Variants in FAM168A observed in about 807,000 individuals in gnomAD.
FAM168A encodes family with sequence similarity 168 member A.
In FAM168A, 3 loss-of-function variants were observed where a neutral mutation model predicts 28.5. The ratio of observed to expected loss-of-function variants is 0.11; its 90% CI spans 0.05 to 0.27. The LOEUF (loss-of-function observed/expected upper bound fraction) is 0.27. Among genes scored for constraint, FAM168A ranks in the 10% least tolerant of loss-of-function variants. The probability of loss-of-function intolerance (pLI) is 1.00; values close to 1 mark genes in which losing one functional copy is unlikely to be tolerated. For synonymous variants in FAM168A, 122 were observed against 124.2 expected, an observed-to-expected ratio of 0.98 and a Z score of 0.12; for missense variants, 222 against 311.5, an observed-to-expected ratio of 0.71 and a Z score of 2.16.
At chr11:73,534,761 A>C (rs1377383920) in intron 1 of FAM168A, among the ~76,000 whole-genome samples, 1 of 152,170 alleles carries the variant, frequency 6.6e-6, no homozygotes, top group Admixed American at 6.5e-5. Context: ...ATTACATGAA[A>C]ATCTGTCTGA....
At chr11:73,499,103 G>A (rs988055695) in intron 1 of FAM168A, among the ~76,000 whole-genome samples, 1 of 152,156 alleles carries the variant, frequency 6.6e-6, no homozygotes, top group African/African-American at 2.4e-5. Flanking sequence ...AATCCTACTG[G>A]CATCAGGCTG....
At chr11:73,458,477 A>T (rs1321709874) in intron 2 of FAM168A, among the ~76,000 whole-genome samples, 2 of 152,228 alleles carry the variant, frequency 1.3e-5, no homozygotes, top group Non-Finnish European at 2.9e-5. Context: ...AGTATCTGAG[A>T]CAGATACAAA....
intron 5 of FAM168A, among the ~76,000 whole-genome samples, chr11:73,410,332 C>T (rs1281210544): frequency 3.3e-5 from 5 of 151,668 alleles, no homozygotes. Flanking sequence ...GGCTTGAACC[C>T]GGGAGGCGGA....
At chr11:73,508,846 T>C (rs951780528) in intron 1 of FAM168A, among the ~76,000 whole-genome samples, 1 of 152,154 alleles carries the variant, frequency 6.6e-6, no homozygotes. Context: ...TGATCACCAA[T>C]GGGAACTAGT....
At chr11:73,547,757 GA>G (rs1441714517) in intron 1 of FAM168A, among the ~76,000 whole-genome samples, 1 of 151,752 alleles carries the variant, frequency 6.6e-6, no homozygotes, top group Non-Finnish European at 1.5e-5. Flanking sequence ...GCAGAATCTT[GA>G]AGACATATTT....
intron 3 of FAM168A, among the ~76,000 whole-genome samples, chr11:73,428,965 G>A (rs1164648173): frequency 6.6e-6 from 1 of 152,108 alleles, no homozygotes; most frequent in African/African-American, 2.4e-5. Context: ...GCACCTTAGG[G>A]GATACCATAG....
chr11:73,438,202 A>G (rs560943017), intron 2 of FAM168A, among the ~76,000 whole-genome samples: 1 of 152,224 alleles, frequency 6.6e-6, no homozygotes, highest in Non-Finnish European at 1.5e-5. Flanking sequence ...TTTACAGAGC[A>G]CTTACAGTCT....
intron 6 of FAM168A, among the ~76,000 whole-genome samples, chr11:73,408,208 C>T (rs959433460): frequency 6.6e-6 from 1 of 152,180 alleles, no homozygotes; most frequent in Non-Finnish European, 1.5e-5. Context: ...TCTTATTGCA[C>T]AATCATACTG....
intron 1 of FAM168A, among the ~76,000 whole-genome samples, chr11:73,496,304 A>G (rs1854870526): frequency 6.6e-6 from 1 of 152,244 alleles, no homozygotes; most frequent in Admixed American, 6.5e-5. Flanking sequence ...GGTGGTTACC[A>G]AGGTGGAAGG....
At chr11:73,418,660 T>C (rs369577576) in intron 4 of FAM168A, among the ~76,000 whole-genome samples, 25 of 152,238 alleles carry the variant, frequency 1.6e-4, no homozygotes, top group African/African-American at 5.8e-4. Context: ...AGGCCTTGCC[T>C]GGAATATCCC....
At chr11:73,566,201 C>A (rs1306548697) in intron 1 of FAM168A, among the ~76,000 whole-genome samples, 1 of 152,202 alleles carries the variant, frequency 6.6e-6, no homozygotes, top group African/African-American at 2.4e-5. Context: ...TACACTTACA[C>A]TGGGATGTTA....
chr11:73,566,762 A>G (rs1303356507), intron 1 of FAM168A, among the ~76,000 whole-genome samples: 1 of 152,230 alleles, frequency 6.6e-6, no homozygotes, highest in African/African-American at 2.4e-5. Flanking sequence ...TAATGATAAA[A>G]AGCAAGACAT....
intron 1 of FAM168A, among the ~76,000 whole-genome samples, chr11:73,474,069 CA>C (rs1867853441): frequency 1.3e-5 from 2 of 152,118 alleles, no homozygotes; most frequent in Non-Finnish European, 2.9e-5. Context: ...CTCGACCTCC[CA>C]AAGTGCTGAG....
At chr11:73,584,466 T>C (rs1388493440) in intron 1 of FAM168A, among the ~76,000 whole-genome samples, 2 of 147,942 alleles carry the variant, frequency 1.4e-5, no homozygotes, top group Non-Finnish European at 3.0e-5. Flanking sequence ...GCTGGCCCAC[T>C]GACTTTTTTT....
intron 1 of FAM168A, among the ~76,000 whole-genome samples, chr11:73,593,329 A>G (rs1241002015): frequency 6.6e-6 from 1 of 152,174 alleles, no homozygotes; most frequent in African/African-American, 2.4e-5. Context: ...TGTTAAATAT[A>G]CTTTTATACA....
At chr11:73,496,893 ACACACACACACACGCACACACACG>A (rs1449879484) in intron 1 of FAM168A, among the ~76,000 whole-genome samples, 3 of 149,754 alleles carry the variant, frequency 2.0e-5, no homozygotes, top group Non-Finnish European at 4.5e-5. Context: ...ACACACACAC[ACACACACACACACGCACACACACG>A]CACACACACA....
chr11:73,513,659 G>A (rs1027212913), intron 1 of FAM168A, among the ~76,000 whole-genome samples: 3 of 152,118 alleles, frequency 2.0e-5, no homozygotes, highest in South Asian at 2.1e-4. Context: ...GGAGGACGAC[G>A]GCCCTCCAGA....
chr11:73,425,667 G>A (rs558671006), intron 3 of FAM168A, among the ~76,000 whole-genome samples: 1 of 152,278 alleles, frequency 6.6e-6, no homozygotes, highest in Admixed American at 6.5e-5. Context: ...TGCAGCCTCC[G>A]GCTCCTGGGC....
At chr11:73,534,623 G>A (rs554761101) in intron 1 of FAM168A, among the ~76,000 whole-genome samples, 4 of 151,866 alleles carry the variant, frequency 2.6e-5, no homozygotes, top group South Asian at 4.2e-4. Flanking sequence ...GGCTGGTCTC[G>A]AACTCCTGAC....
Sources: allele counts gnomAD v4.1 joint callset (sites outside exome capture counted in the v4.1 genomes callset), GRCh38; gene constraint gnomAD v4.1.1; transcripts MANE v1.5; gene names NCBI Gene and HGNC (gene_info 2026-07-23, HGNC 2026-07-21).